The following PNPLA6 variants were observed in gnomAD, a reference collection of about 807,000 sequenced individuals.
PNPLA6 encodes patatin-like phospholipase domain-containing protein 6.
Under a neutral mutation model 153.7 loss-of-function variants are expected in PNPLA6, and 105 were observed. That is an observed-to-expected ratio of 0.68 (90% CI 0.58 to 0.80). PNPLA6 has a LOEUF of 0.80. Ranked by LOEUF, PNPLA6 falls within the 30% of genes least tolerant of loss-of-function variation. The pLI, the probability that PNPLA6 is intolerant of heterozygous loss-of-function variation, is 0.00. For synonymous variants in PNPLA6, 825 were observed against 822.2 expected, an observed-to-expected ratio of 1.00 and a Z score of -0.06; for missense variants, 1,423 against 1,919.3, an observed-to-expected ratio of 0.74 and a Z score of 4.83.
chr19:7,550,013 TG>T lies in PNPLA6; in HGVS notation c.1719del (p.Gln574SerfsTer42). On this transcript the variant is annotated frameshift_variant, in exon 14 of 32. Transcript: ENST00000600737. LOFTEE classifies it high-confidence loss of function. ...TTCGTAGCGCAGCCCGGGGAACTGGTGGGGCAGCTGGCGGTGCTCACTGGCG... is the reference window on the plus strand; with the variant it reads ...TTCGTAGCGCAGCCCGGGGAACTGGTGGGCAGCTGGCGGTGCTCACTGGCG... ...CLFVAQPGELVGQLAVLTGEP... is the reference protein window; with the variant it reads ...CLFVAQPGELXGQLAVLTGEP... 6.2e-7 allele frequency: 1 copy of T among 1,614,044 alleles called. No homozygotes were observed. Among genetic ancestry groups the T allele is most frequent in the Non-Finnish European group, 8.5e-7 (1 of 1,180,036 alleles).
chr19:7,536,062 G>A (rs763756854), intron 1 of PNPLA6, 42 bp downstream of exon 1: 71 of 1,580,348 alleles, frequency 4.5e-5, no homozygotes, highest in Admixed American at 1.6e-4. Context: ...TGTATGGTGG[G>A]GGGCCCAAAT....
chr19:7,553,875 G>C lies in PNPLA6; in HGVS notation c.2261G>C (p.Gly754Ala). ...ATCTCATCCATTGGGTTCTTAGCAG[G>C]CTCTGGGTTGGGTGTGCCCCCACAC... ...NLQQLQGPFPGSGLGVPPHSE... is the reference protein window; with the variant it reads ...NLQQLQGPFPASGLGVPPHSE... Residue 754 changes from glycine to alanine, a missense_variant and splice_region_variant, in exon 19 of 32, where the codon GGC (glycine) becomes GCC (alanine). By Grantham distance (60) the Gly-to-Ala change is moderately conservative. Coordinates refer to ENST00000600737, the MANE Select transcript of PNPLA6 (RefSeq NM_001166114.2). 1 of 1,614,224 alleles carries C rather than the reference G, an allele frequency of 6.2e-7. No individual in the cohort carries two copies. Among genetic ancestry groups the C allele is most frequent in the African/African-American group, 1.3e-5 (1 of 75,054 alleles).
At chr19:7,554,386 T>C (rs2083442657) in intron 20 of PNPLA6, 114 bp downstream of exon 20, 2 of 1,244,432 alleles carry the variant, frequency 1.6e-6, no homozygotes, top group Non-Finnish European at 2.4e-6. Context: ...GTCTTACCCA[T>C]AGGTCAATGG....
chr19:7,557,717 G>A (rs1006896259), intron 27 of PNPLA6, among the ~76,000 whole-genome samples: 2 of 151,476 alleles, frequency 1.3e-5, no homozygotes, highest in Non-Finnish European at 2.9e-5. Flanking sequence ...CTGGGAGTTG[G>A]AGGTTGCAGT....
chr19:7,550,014 G>T lies in PNPLA6; in HGVS notation c.1716G>T (p.Val572=). The change falls in exon 14 of 32, where the codon GTG becomes GTT. Residue 572 remains valine (V), a synonymous_variant. Transcript: ENST00000600737. ...CLFVAQPGEL[V]GQLAVLTGEP... ...TCGTAGCGCAGCCCGGGGAACTGGT[G>T]GGGCAGCTGGCGGTGCTCACTGGCG... The T allele has an allele frequency of 6.2e-7, 1 of 1,614,072 alleles. No individual in the cohort carries two copies. Among genetic ancestry groups the T allele is most frequent in the African/African-American group, 1.3e-5 (1 of 75,072 alleles).
rs372763461 is a variant in PNPLA6, at chr19:7,557,230, G to A, written c.3343G>A (p.Asp1115Asn). The A allele has an allele frequency of 9.3e-6, 15 of 1,613,456 alleles. No individual in the cohort carries two copies. The highest frequency in any genetic ancestry group is 2.7e-5 in the African/African-American group (2 of 74,942). The change falls in exon 27 of 32, where the codon GAC becomes AAC. Residue 1115 changes from aspartate to asparagine, a missense_variant. Coordinates refer to ENST00000600737, the MANE Select transcript of PNPLA6 (RefSeq NM_001166114.2). ...GTCGGGCTACCTGCCCCCGCTGTGC[G>A]ACCCCAAGGACGGGCACCTACTCAT... ...TLSGYLPPLC[D>N]PKDGHLLMDG...
intron 26 of PNPLA6, 37 bp downstream of exon 26, chr19:7,556,761 G>C (rs570973508): frequency 2.0e-6 from 3 of 1,485,114 alleles, no homozygotes; most frequent in East Asian, 2.3e-5. Context: ...AACCGCTGAC[G>C]CCACGTGGGG....
At chr19:7,547,806 T>TAAAAA (rs142269245) in intron 13 of PNPLA6, among the ~76,000 whole-genome samples, 4 of 23,794 alleles carry the variant, frequency 1.7e-4, no homozygotes, top group African/African-American at 6.8e-4. Context: ...CCTGGCTAAT[T>TAAAAA]AAAAATTTTT....
chr19:7,539,435 C>T (rs1015185243), intron 3 of PNPLA6, among the ~76,000 whole-genome samples: 2 of 150,824 alleles, frequency 1.3e-5, no homozygotes, highest in African/African-American at 4.9e-5. Flanking sequence ...GCCGAGATTT[C>T]GCCACTGCAC....
chr19:7,561,347 C>A, intron 31 of PNPLA6, 30 bp downstream of exon 31: 1 of 1,521,660 alleles, frequency 6.6e-7, no homozygotes, highest in Non-Finnish European at 9.0e-7. Flanking sequence ...GGTCCCCTCA[C>A]ATCCCCCAGA....
At chr19:7,557,326 C>A (rs775065682) in intron 27 of PNPLA6, 42 bp downstream of exon 27, 1 of 1,214,566 alleles carries the variant, frequency 8.2e-7, no homozygotes, top group East Asian at 2.3e-5. Context: ...AAGCACCTCC[C>A]GCACCACACA....
Position 7,561,194 on chromosome 19 carries a change from C to T in PNPLA6, c.3914-14C>T, listed in dbSNP as rs1318045960. 1 of 1,599,832 alleles carries T rather than the reference C, an allele frequency of 6.3e-7. No homozygotes were observed. Among genetic ancestry groups the T allele is most frequent in the East Asian group, 2.2e-5 (1 of 44,604 alleles). ...CCCCAATCCCCTCACCTGTGCCCTG[C>T]TCCCCGATTCCAGGAGAGGAGTCAG... is the stretch of plus-strand genomic sequence containing the variant. On this transcript the variant is annotated splice_polypyrimidine_tract_variant and intron_variant, in intron 30 of 31. Transcript: ENST00000600737.
At chr19:7,538,490 G>A (rs2146044793) in intron 3 of PNPLA6, among the ~76,000 whole-genome samples, 1 of 152,246 alleles carries the variant, frequency 6.6e-6, no homozygotes, top group East Asian at 1.9e-4. Context: ...GCCAAAAAAG[G>A]AATTATATCT....
rs1465465807 is a variant in PNPLA6 at position 7,540,884 on chromosome 19, C to T, written c.796-39C>T. ...GGGAGTAGCGAGGGGGACTCGCAGC[C>T]TCTGCCCTTGTCTCTCTTCACGCCC... On this transcript the variant is annotated intron_variant, in intron 6 of 31. Coordinates refer to ENST00000600737, the MANE Select transcript of PNPLA6 (RefSeq NM_001166114.2). The surrounding 1 kb of genome is among the most constrained non-coding windows in gnomAD (Gnocchi z 6.8). The T allele has an allele frequency of 6.2e-7, 1 of 1,612,768 alleles. No homozygotes were observed. Among genetic ancestry groups the T allele is most frequent in the Non-Finnish European group, 8.5e-7 (1 of 1,179,746 alleles).
Position 7,541,290 on chromosome 19 carries a change from C to A in PNPLA6, c.925-64C>A. On this transcript the variant is annotated intron_variant, in intron 7 of 31. Coordinates refer to ENST00000600737, the MANE Select transcript of PNPLA6 (RefSeq NM_001166114.2). The surrounding 1 kb of genome is among the most constrained non-coding windows in gnomAD (Gnocchi z 5.2). ...CCCCTTATGCTGCGAACTAGCCCGG[C>A]CCACCATCTGGCCCTGCCCCTTACC... The A allele has an allele frequency of 1.4e-6, 2 of 1,425,106 alleles. No individual in the cohort carries two copies. The highest frequency in any genetic ancestry group is 9.8e-7 in the Non-Finnish European group (1 of 1,019,378). The allele number at this position is 1,425,106 out of a possible 1,614,324, so 88.3% of individuals were successfully genotyped here.
chr19:7,550,632 A>T lies in PNPLA6; in HGVS notation c.2062A>T (p.Ile688Phe). 1 of 1,611,150 alleles carries T rather than the reference A, an allele frequency of 6.2e-7. No individual in the cohort carries two copies. The highest frequency in any genetic ancestry group is 8.5e-7 in the Non-Finnish European group (1 of 1,179,762). Residue 688 changes from isoleucine (I) to phenylalanine (F), a missense_variant, in exon 16 of 32, where the codon ATC becomes TTC. By Grantham distance (21) the Ile-to-Phe change is conservative. This residue lies in a region of PNPLA6 where 63 missense variants were observed against 166.2 expected (regional missense o/e 0.38). Transcript: ENST00000600737. ...LVGEYGRGDLIGVVEALTRQP... is the reference protein window; with the variant it reads ...LVGEYGRGDLFGVVEALTRQP... ...GGGCGAGTACGGCCGCGGCGACCTC[A>T]TCGGCGTGGTGAGCGCGACCCCCAC...
In PNPLA6 at chr19:7,540,751, G is replaced by A. The variant is rs117574616; in HGVS notation, c.795+41G>A. ...CTGAGGCAGGGGGGCTGGGGTGCAA[G>A]GTCCCACCCAAGGGACTAGGTTGAA... On this transcript the variant is annotated intron_variant, in intron 6 of 31. Transcript: ENST00000600737. This position sits in a 1 kb window ranked among gnomAD's most constrained non-coding sequence, Gnocchi z 6.8. 8.6e-3 allele frequency: 13,462 copies of A among 1,563,166 alleles called. 1,147 individuals carry two copies. The Admixed American group carries it at 0.18, about 20-fold the overall frequency.
chr19:7,535,945 A>G lies in PNPLA6; in HGVS notation c.157A>G (p.Met53Val). The G allele has an allele frequency of 6.3e-7, 1 of 1,586,766 alleles. No individual in the cohort carries two copies. The highest frequency in any genetic ancestry group is 1.8e-5 in the Admixed American group (1 of 55,782). ...GTTCGTCCCTCAGGTGCTTGGCGTG[A>G]TGATCGGGGCCGGAGTGGCGGTGGT... is the stretch of plus-strand genomic sequence containing the variant. ...VPFVPQVLGV[M>V]IGAGVAVVVT... Residue 53 changes from methionine to valine, a missense_variant, in exon 1 of 32, where the codon ATG (methionine) becomes GTG (valine). By Grantham distance (21) the Met-to-Val change is conservative. This residue lies in a region of PNPLA6 where 109 missense variants were observed against 109.4 expected (regional missense o/e 1.00). Coordinates refer to ENST00000600737, the MANE Select transcript of PNPLA6 (RefSeq NM_001166114.2). This position sits in a 1 kb window ranked among gnomAD's most constrained non-coding sequence, Gnocchi z 5.0.
chr19:7,548,040 C>T (rs2023464461), intron 13 of PNPLA6, among the ~76,000 whole-genome samples: 1 of 151,410 alleles, frequency 6.6e-6, no homozygotes, highest in Middle Eastern at 3.4e-3. Context: ...TCTTGGACCA[C>T]ACATAAAATA....
Sources: gnomAD v4.1 joint callset for allele counts (sites outside exome capture counted in the v4.1 genomes callset) on GRCh38, gnomAD v4.1.1 for gene constraint, gnomAD v4.1.1 regional missense constraint, Gnocchi (gnomAD v3.1) non-coding constraint, MANE v1.5 for transcripts, NCBI Gene and HGNC (gene_info 2026-07-23, HGNC 2026-07-21) for gene names.